The following FSCN2 variants were observed in gnomAD, a reference collection of about 807,000 sequenced individuals.
The protein encoded by FSCN2 is fascin actin-bundling protein 2, retinal.
FSCN2 carries 46 observed loss-of-function variants against 37.8 expected under a neutral mutation model. That is an observed-to-expected ratio of 1.22 (90% CI 0.96 to 1.56). The LOEUF (loss-of-function observed/expected upper bound fraction) is 1.56, where lower values mean the gene tolerates loss of function less well. FSCN2 is among the 40% of genes most tolerant of loss of function. The probability of loss-of-function intolerance (pLI) is 0.00; values close to 1 mark genes in which losing one functional copy is unlikely to be tolerated. For synonymous variants in FSCN2, 351 were observed against 309.4 expected (o/e 1.13, Z -1.41); for missense variants, 844 against 730.4 (o/e 1.16, Z -1.79).
chr17:81,532,296 ATGATGATAGTGATGGCGATGATGG>A (rs1252325649), intron 1 of FSCN2, among the ~76,000 whole-genome samples: 8 of 98,948 alleles, frequency 8.1e-5, no homozygotes, highest in South Asian at 7.6e-4. Flanking sequence ...GGTGGTGATG[ATGATGATAGTGATGGCGATGATGG>A]TGATGATAGT....
chr17:81,531,538 T>TGATGATGGTGATGGC (rs1568077595), intron 1 of FSCN2, among the ~76,000 whole-genome samples: 2 of 144,856 alleles, frequency 1.4e-5, no homozygotes, highest in Non-Finnish European at 3.0e-5. Flanking sequence ...GCGATGGTGG[T>TGATGATGGTGATGGC]GATGATGGTG....
In FSCN2 at chr17:81,528,947, C is replaced by T. The variant is rs369192058; in HGVS notation, c.416C>T (p.Pro139Leu). ...TGGACCGTGCACCTGGCCATCCACC[C>T]GCAGGCCCACCTGCTGAGCGTGAGC... ...ELWTVHLAIH[P>L]QAHLLSVSRR... The change falls in exon 1 of 5, where the codon CCG becomes CTG. Residue 139 changes from proline to leucine, a missense_variant. Pro to Leu is a moderately conservative substitution (Grantham distance 98). Transcript: ENST00000417245. 3.3e-5 allele frequency: 52 copies of T among 1,590,138 alleles called. No homozygotes were observed. The highest frequency in any genetic ancestry group is 1.2e-4 in the Admixed American group (7 of 58,268).
At chr17:81,516,937 TTGTCCAATTCTCACCACTGGAGGAG>T in the FSCN2 span, among the ~76,000 whole-genome samples, 2 of 152,156 alleles carry the variant, frequency 1.3e-5, no homozygotes, top group Admixed American at 1.3e-4. Context: ...TCTGCATGTT[TTGTCCAATTCTCACCACTGGAGGAG>T]AGTCCCAGAC....
Position 81,531,791 on chromosome 17 carries a change from GATGATGATA to G in FSCN2, c.826+2438_826+2446del, listed in dbSNP as rs1352061493. ...TGATGATAGTGATGGTGATGATGGTGATGATGATAATGGTGATGATGGTGGTGGTGATGG... is the reference window on the plus strand; with the variant it reads ...TGATGATAGTGATGGTGATGATGGTGATGGTGATGATGGTGGTGGTGATGG... On this transcript the variant is annotated intron_variant, in intron 1 of 4. Coordinates refer to ENST00000417245, the MANE Select transcript of FSCN2 (RefSeq NM_012418.4). Among the ~76,000 whole-genome samples, 7 of 94,788 alleles carry G rather than the reference GATGATGATA, an allele frequency of 7.4e-5. 1 individual carries two copies. Among genetic ancestry groups the G allele is most frequent in the South Asian group, 6.1e-4 (1 of 1,650 alleles). 62.2% of individuals were successfully genotyped at this position (94,788 alleles called of 152,430 possible).
chr17:81,536,742 A>C lies in FSCN2; in HGVS notation c.1226A>C (p.Tyr409Ser). The C allele has an allele frequency of 6.2e-7, 1 of 1,610,418 alleles. No individual in the cohort carries two copies. The highest frequency in any genetic ancestry group is 8.5e-7 in the Non-Finnish European group (1 of 1,179,034). Residue 409 changes from tyrosine to serine, a missense_variant, in exon 4 of 5, where the codon TAC (tyrosine) becomes TCC (serine). Transcript: ENST00000417245. The stretch of plus-strand genomic sequence containing the variant: ...CAGCTGGACACCAACCGCTCCGTCT[A>C]CGACGTCTTCCACCTGAGCTTCAGC... ...SNQLDTNRSV[Y>S]DVFHLSFSDG... is the part of the protein sequence containing the mutation.
At position 81,528,684 on chromosome 17, in the gene FSCN2, C is replaced by T. The variant is rs781893394; in HGVS notation, c.153C>T (p.Asp51=). Residue 51 remains aspartate, a synonymous_variant, in exon 1 of 5, where the codon GAC becomes GAT. Coordinates refer to ENST00000417245, the MANE Select transcript of FSCN2 (RefSeq NM_012418.4). ...AGCAGACCTGGGTGCTGGAACCCGA[C>T]CCAGGACAAGGCACGGCTGTGCTGC... The part of the protein sequence containing the change: ...KRKQTWVLEP[D]PGQGTAVLLR... 6 of 1,602,174 alleles carry T rather than the reference C, an allele frequency of 3.7e-6. No homozygotes were observed. In the African/African-American group the frequency reaches 6.7e-5, roughly 18 times the overall value.
intron 3 of FSCN2, 32 bp downstream of exon 3, chr17:81,536,299 G>C (rs2032875220): frequency 6.3e-7 from 1 of 1,578,284 alleles, no homozygotes; most frequent in Non-Finnish European, 8.6e-7. Context: ...TACTGGGGCA[G>C]GGGCTGTCTC....
chr17:81,519,595 G>A, the FSCN2 span, among the ~76,000 whole-genome samples: 20 of 152,332 alleles, frequency 1.3e-4, no homozygotes, highest in East Asian at 1.9e-3. Context: ...GGAGCGCCAG[G>A]AGGGACCCCC....
At position 81,529,109 on chromosome 17, in the gene FSCN2, A is replaced by G. The variant is rs2143850377; in HGVS notation, c.578A>G (p.Tyr193Cys). The G allele has an allele frequency of 1.3e-6, 2 of 1,586,572 alleles. No homozygotes were observed. The highest frequency in any genetic ancestry group is 8.6e-7 in the Non-Finnish European group (1 of 1,168,252). The change falls in exon 1 of 5, where the codon TAC (tyrosine) becomes TGC (cysteine). Residue 193 changes from tyrosine to cysteine, a missense_variant. Coordinates refer to ENST00000417245, the MANE Select transcript of FSCN2 (RefSeq NM_012418.4). ...RYCLKSCDSR[Y>C]LRSDGRLVWE... is the part of the protein sequence containing the mutation. ...TGCCTCAAGTCCTGTGACAGCCGCT[A>G]CCTGCGCAGCGACGGCCGTCTGGTC...
intron 3 of FSCN2, 29 bp from the exon 4 acceptor site, chr17:81,536,593 G>GGCAGC: frequency 6.2e-7 from 1 of 1,605,094 alleles, no homozygotes; most frequent in Non-Finnish European, 8.5e-7. Flanking sequence ...TGGCGGGAGG[G>GGCAGC]GCAGCGCAGC....
intron 2 of FSCN2, 96 bp downstream of exon 2, chr17:81,535,304 C>T: frequency 1.7e-6 from 1 of 596,528 alleles, no homozygotes; most frequent in Non-Finnish European, 2.8e-6. Context: ...CCATCTCCAT[C>T]CCCACCACCC....
upstream of FSCN2, among the ~76,000 whole-genome samples, chr17:81,524,893 T>TCACACACATACA (rs1555669870): frequency 6.5e-5 from 8 of 122,838 alleles, no homozygotes; most frequent in East Asian, 1.5e-3. Context: ...ATGAGCACCT[T>TCACACACATACA]CACACACACA....
intron 1 of FSCN2, chr17:81,530,684 G>T (rs2032521489): frequency 2.1e-6 from 1 of 485,464 alleles, no homozygotes; most frequent in Non-Finnish European, 4.0e-6. Context: ...AGGCCCCCTG[G>T]GTACACTGAC....
upstream of FSCN2, among the ~76,000 whole-genome samples, chr17:81,525,442 G>A (rs1278589485): frequency 9.7e-6 from 1 of 102,852 alleles, no homozygotes; most frequent in African/African-American, 3.9e-5. Flanking sequence ...AAAAAAAAAG[G>A]CTGTGCCTGG....
intron 1 of FSCN2, chr17:81,530,215 G>T: frequency 3.7e-6 from 1 of 272,282 alleles, no homozygotes; most frequent in Non-Finnish European, 7.3e-6. Flanking sequence ...GTGGAGCCTC[G>T]TGTCCTCAGG....
chr17:81,533,330 C>T (rs1384175760), intron 1 of FSCN2, among the ~76,000 whole-genome samples: 1 of 152,198 alleles, frequency 6.6e-6, no homozygotes, highest in Non-Finnish European at 1.5e-5. Context: ...CACAGGCTGG[C>T]TCAAGCAGTG....
chr17:81,517,770 C>G, the FSCN2 span, among the ~76,000 whole-genome samples: 1,434 of 151,176 alleles, frequency 9.5e-3, 16 homozygotes, highest in Non-Finnish European at 0.015. Context: ...GCCCCCCCCC[C>G]CTCCAGTCCC....
chr17:81,535,284 AT>A, intron 2 of FSCN2, 76 bp downstream of exon 2: 2 of 875,184 alleles, frequency 2.3e-6, no homozygotes, highest in South Asian at 3.4e-5. Flanking sequence ...CATCCCCACC[AT>A]CCGCATCCCC....
At chr17:81,518,475 G>GA in the FSCN2 span, among the ~76,000 whole-genome samples, 1 of 152,104 alleles carries the variant, frequency 6.6e-6, no homozygotes, top group Non-Finnish European at 1.5e-5. Context: ...CCCAGCCCTG[G>GA]AGGAGGGAGC....
Sources: gnomAD v4.1 joint callset for allele counts (sites outside exome capture counted in the v4.1 genomes callset) on GRCh38, gnomAD v4.1.1 for gene constraint, MANE v1.5 for transcripts, NCBI Gene and HGNC (gene_info 2026-07-23, HGNC 2026-07-21) for gene names.